The following CATSPERE variants were observed in gnomAD, a reference collection of about 807,000 sequenced individuals.
CATSPERE encodes cation channel sperm-associated auxiliary subunit epsilon.
CATSPERE carries 93 observed loss-of-function variants against 114.1 expected under a neutral mutation model. The ratio of observed to expected loss-of-function variants is 0.81; its 90% CI spans 0.69 to 0.97. The LOEUF is 0.97. Among genes scored for constraint, CATSPERE ranks in the 50% least tolerant of loss-of-function variants. The pLI, the probability that CATSPERE is intolerant of heterozygous loss-of-function variation, is 0.00. For missense variants in CATSPERE, 1,058 were observed against 1,131.6 expected, an observed-to-expected ratio of 0.93 and a Z score of 0.93; for synonymous variants, 341 against 384.1, an observed-to-expected ratio of 0.89 and a Z score of 1.31.
chr1:244,510,840 T>TTTTTTTTTTTTTTTTTTTTTTA (rs1458904925), intron 7 of CATSPERE, among the ~76,000 whole-genome samples: 1 of 129,612 alleles, frequency 7.7e-6, no homozygotes, highest in Non-Finnish European at 1.6e-5. Flanking sequence ...TTTTTCTTTT[T>TTTTTTTTTTTTTTTTTTTTTTA]TTTTTTTTTT....
At chr1:244,605,130 G>A (rs1224611789) in intron 17 of CATSPERE, among the ~76,000 whole-genome samples, 1 of 152,154 alleles carries the variant, frequency 6.6e-6, no homozygotes, top group East Asian at 1.9e-4. Context: ...GTTCCTCCTA[G>A]GGGGATCTGC....
In CATSPERE at chr1:244,554,474, G is replaced by T. The variant is rs576811768; in HGVS notation, c.1029+1660G>T. ...GAGCCTAGGCGTTAGAGACCAGCCT[G>T]GGCAACATGGTGAGACCCCAGCCAG... is the stretch of plus-strand genomic sequence containing the variant. On this transcript the variant is annotated intron_variant, in intron 9 of 21. Transcript: ENST00000366534. Among the ~76,000 whole-genome samples, 34 of 152,148 alleles carry T rather than the reference G, an allele frequency of 2.2e-4. No individual in the cohort carries two copies. In the East Asian group the frequency reaches 5.8e-3, roughly 26 times the overall value.
At chr1:244,585,817 A>G (rs1558544923) in intron 13 of CATSPERE, among the ~76,000 whole-genome samples, 1 of 152,226 alleles carries the variant, frequency 6.6e-6, no homozygotes, top group Non-Finnish European at 1.5e-5. Flanking sequence ...GGCAGCTCCA[A>G]CAAGGCTGCA....
chr1:244,477,519 G>T (rs772816228), intron 2 of CATSPERE, 22 bp from the exon 3 acceptor site: 1 of 1,415,372 alleles, frequency 7.1e-7, no homozygotes, highest in South Asian at 1.2e-5. Flanking sequence ...TTTTTTGTTC[G>T]AACTCTTGTT....
intron 9 of CATSPERE, among the ~76,000 whole-genome samples, chr1:244,558,132 C>G (rs1318468967): frequency 4.7e-5 from 4 of 85,946 alleles, no homozygotes; most frequent in Non-Finnish European, 9.7e-5. Context: ...ATTTCTCTCT[C>G]TCTCTCTTTT....
At chr1:244,543,388 A>G (rs1458978518) in intron 8 of CATSPERE, among the ~76,000 whole-genome samples, 3 of 152,066 alleles carry the variant, frequency 2.0e-5, no homozygotes, top group Non-Finnish European at 4.4e-5. Flanking sequence ...CAGGCATAGA[A>G]GGACAGATAC....
chr1:244,490,600 C>A, intron 6 of CATSPERE, 129 bp downstream of exon 6: 2 of 595,418 alleles, frequency 3.4e-6, no homozygotes, highest in Non-Finnish European at 5.9e-6. Flanking sequence ...TTAGAGTATA[C>A]CTTTCTATAA....
In CATSPERE at chr1:244,510,835, C is replaced by CTTTTTTTTTTTTTTTTTTTTTTTT. The variant is rs747921082; in HGVS notation, c.430-7755_430-7732dup. On this transcript the variant is annotated intron_variant, in intron 7 of 21. Transcript: ENST00000366534. ...TTCTTTTTTTTTTCTTTTTCTTTTT[C>CTTTTTTTTTTTTTTTTTTTTTTTT]TTTTTTTTTTTTTTTTTTTTTTTTT... Among the ~76,000 whole-genome samples, 61 of 48,324 alleles carry CTTTTTTTTTTTTTTTTTTTTTTTT rather than the reference C, an allele frequency of 1.3e-3. 2 individuals are homozygous for CTTTTTTTTTTTTTTTTTTTTTTTT. The highest frequency in any genetic ancestry group is 1.8e-3 in the Non-Finnish European group (45 of 25,012). The allele number at this position is 48,324 out of a possible 152,430, so 31.7% of individuals were successfully genotyped here.
At chr1:244,588,357 A>G in intron 13 of CATSPERE, 125 bp from the exon 14 acceptor site, 1 of 720,870 alleles carries the variant, frequency 1.4e-6, no homozygotes, top group South Asian at 1.6e-5. Flanking sequence ...GAGCAGTGGT[A>G]TAAGAGAACC....
At chr1:244,626,812 G>GGGT (rs1384965531) in intron 20 of CATSPERE, among the ~76,000 whole-genome samples, 1 of 152,170 alleles carries the variant, frequency 6.6e-6, no homozygotes, top group Non-Finnish European at 1.5e-5. Context: ...GGGATGTTGT[G>GGGT]GGTGGTTTGA....
intron 17 of CATSPERE, among the ~76,000 whole-genome samples, chr1:244,603,849 G>T (rs958661941): frequency 6.6e-6 from 1 of 151,966 alleles, no homozygotes; most frequent in African/African-American, 2.4e-5. Context: ...CTCTACAAAA[G>T]ATTTTAAAAT....
chr1:244,629,889 C>G (rs1405587842), intron 20 of CATSPERE, among the ~76,000 whole-genome samples: 1 of 150,028 alleles, frequency 6.7e-6, no homozygotes, highest in Non-Finnish European at 1.5e-5. Flanking sequence ...ATCCACCTGC[C>G]TCAGCCTCCC....
chr1:244,624,307 T>A (rs1416538542), intron 20 of CATSPERE, among the ~76,000 whole-genome samples: 2 of 152,068 alleles, frequency 1.3e-5, no homozygotes, highest in African/African-American at 4.8e-5. Flanking sequence ...TGAAGCTTGC[T>A]GAAACTATTC....
At position 244,624,440 on chromosome 1, in the gene CATSPERE, G is replaced by C. The variant is rs140265946; in HGVS notation, c.2648+6754G>C. On this transcript the variant is annotated intron_variant, in intron 20 of 21. Coordinates refer to ENST00000366534, the MANE Select transcript of CATSPERE (RefSeq NM_001130957.2). ...CCACTGCTTTATCAACTGCATTTAT[G>C]TAATATGATAAACACTTTGTTATTT... is the stretch of plus-strand genomic sequence containing the variant. 3.2e-4 allele frequency among the ~76,000 whole-genome samples: 49 copies of C among 152,240 alleles called. 1 individual carries two copies. The East Asian group carries it at 8.7e-3, about 27-fold the overall frequency.
chr1:244,456,958 A>G (rs1370382259), upstream of CATSPERE, among the ~76,000 whole-genome samples: 1 of 152,230 alleles, frequency 6.6e-6, no homozygotes, highest in Non-Finnish European at 1.5e-5. Flanking sequence ...AGATTGTAAG[A>G]AGGCATAGGA....
At chr1:244,597,637 C>A (rs1668631326) in intron 17 of CATSPERE, among the ~76,000 whole-genome samples, 1 of 149,260 alleles carries the variant, frequency 6.7e-6, no homozygotes. Context: ...CTACTTTAAT[C>A]CTTTTAACAA....
intron 21 of CATSPERE, 102 bp downstream of exon 21, chr1:244,635,644 C>T: frequency 1.3e-6 from 1 of 789,266 alleles, no homozygotes; most frequent in South Asian, 1.6e-5. Flanking sequence ...CCAGAAGCAG[C>T]CTGTGCACTC....
intron 2 of CATSPERE, among the ~76,000 whole-genome samples, chr1:244,468,736 T>C (rs1468984880): frequency 1.3e-5 from 2 of 152,090 alleles, no homozygotes; most frequent in Non-Finnish European, 2.9e-5. Context: ...CTGGGCAACA[T>C]GGCCAGACCC....
At chr1:244,594,975 C>T (rs1668201123) in intron 17 of CATSPERE, among the ~76,000 whole-genome samples, 1 of 152,166 alleles carries the variant, frequency 6.6e-6, no homozygotes, top group Admixed American at 6.5e-5. Flanking sequence ...AATCATGTCA[C>T]TGCTTTTCCT....
Sources: allele counts gnomAD v4.1 joint callset (sites outside exome capture counted in the v4.1 genomes callset), GRCh38; gene constraint gnomAD v4.1.1; transcripts MANE v1.5; gene names NCBI Gene and HGNC (gene_info 2026-07-23, HGNC 2026-07-21).